The following PICALM variants were observed in gnomAD, a reference collection of about 807,000 sequenced individuals.
PICALM encodes phosphatidylinositol-binding clathrin assembly protein.
In PICALM, 40 loss-of-function variants were observed where a neutral mutation model predicts 80.5. That is an observed-to-expected ratio of 0.50 (90% confidence interval 0.39 to 0.65). The LOEUF (loss-of-function observed/expected upper bound fraction) is 0.65, where lower values mean the gene tolerates loss of function less well. Among genes scored for constraint, PICALM ranks in the 30% least tolerant of loss-of-function variants. The probability of loss-of-function intolerance (pLI) is 0.00; values close to 1 mark genes in which losing one functional copy is unlikely to be tolerated. For missense variants in PICALM, 676 were observed against 778.9 expected, an observed-to-expected ratio of 0.87 and a Z score of 1.57; for synonymous variants, 288 against 260.3, an observed-to-expected ratio of 1.11 and a Z score of -1.02.
In PICALM at chr11:85,968,677, A is replaced by C. The variant is rs888965091; in HGVS notation, c.1944+6031T>G. Among the ~76,000 whole-genome samples, 31 of 152,344 alleles carry C rather than the reference A, an allele frequency of 2.0e-4. 1 individual carries two copies. The highest frequency in any genetic ancestry group is 5.2e-4 in the Admixed American group (8 of 15,308). On this transcript the variant is annotated intron_variant, in intron 19 of 19. Coordinates refer to ENST00000393346, the MANE Select transcript of PICALM (RefSeq NM_007166.4). ...GACATTTCAATTTATGTAAAGCACC[A>C]GTAAGAGAAAGCAGGAGTCCCCTTT...
intron 9 of PICALM, among the ~76,000 whole-genome samples, chr11:86,001,847 TC>T (rs2095155086): frequency 6.6e-6 from 1 of 152,180 alleles, no homozygotes; most frequent in Non-Finnish European, 1.5e-5. Flanking sequence ...ACATTAACTT[TC>T]CAAATGTTAA....
At chr11:86,025,271 G>C (rs2095631864) in intron 3 of PICALM, among the ~76,000 whole-genome samples, 1 of 152,092 alleles carries the variant, frequency 6.6e-6, no homozygotes, top group Non-Finnish European at 1.5e-5. Flanking sequence ...GTGGTGACAT[G>C]CGCGGGTAGT....
In PICALM at chr11:85,981,212, G is replaced by C. The variant is rs551997403; in HGVS notation, c.1696C>G (p.Gln566Glu). The change falls in exon 17 of 20, where the codon CAA becomes GAA. Residue 566 changes from glutamine (Q) to glutamate (E), a missense_variant. By Grantham distance (29) the Gln-to-Glu change is conservative. Around this residue, in one of 2 missense-constraint regions of PICALM, gnomAD observed 391 missense variants for 383.6 expected, o/e 1.02. Coordinates refer to ENST00000393346, the MANE Select transcript of PICALM (RefSeq NM_007166.4). ...GTTKNDVNWS[Q>E]PGEKKLTGGS... is the part of the protein sequence containing the mutation. ...CCAGTTAACTTCTTTTCACCTGGTT[G>C]ACTCCAATTTACATCACTTTAAATA... 1 of 1,587,408 alleles carries C rather than the reference G, an allele frequency of 6.3e-7. No homozygotes were observed. Among genetic ancestry groups the C allele is most frequent in the East Asian group, 2.2e-5 (1 of 44,752 alleles).
chr11:85,993,307 G>C (rs548688414), intron 12 of PICALM, among the ~76,000 whole-genome samples: 1 of 151,122 alleles, frequency 6.6e-6, no homozygotes, highest in Admixed American at 6.6e-5. Flanking sequence ...GGCTGGTCTC[G>C]AACTCCTGGG....
rs2094445485 is a variant in PICALM, at chr11:85,981,627, C to T, written c.1679+118G>A. 11 of 705,660 alleles carry T rather than the reference C, an allele frequency of 1.6e-5. No homozygotes were observed. The Admixed American group carries it at 2.5e-4, about 16-fold the overall frequency. The allele number at this position is 705,660 out of a possible 1,614,324, so 43.7% of individuals were successfully genotyped here. A position where few individuals can be genotyped will look rare whatever the true frequency, so the allele number is the denominator to read the frequency against. On this transcript the variant is annotated intron_variant, in intron 16 of 19. Coordinates refer to ENST00000393346, the MANE Select transcript of PICALM (RefSeq NM_007166.4). ...GTGTCAAAAAAAAAAAAAAAAGATGCAGACTTGATATCTCTACACATATTT... is the reference window on the plus strand; with the variant it reads ...GTGTCAAAAAAAAAAAAAAAAGATGTAGACTTGATATCTCTACACATATTT...
At chr11:85,970,295 A>G (rs545822279) in intron 19 of PICALM, among the ~76,000 whole-genome samples, 1 of 152,366 alleles carries the variant, frequency 6.6e-6, no homozygotes, top group South Asian at 2.1e-4. Flanking sequence ...AGATGACTGA[A>G]GACTGGACAA....
At chr11:85,998,028 CACCT>C (rs1196194516) in intron 11 of PICALM, among the ~76,000 whole-genome samples, 1 of 151,342 alleles carries the variant, frequency 6.6e-6, no homozygotes, top group Non-Finnish European at 1.5e-5. Flanking sequence ...ATGATCCACC[CACCT>C]GAGCCTCCCA....
intron 1 of PICALM, among the ~76,000 whole-genome samples, chr11:86,050,704 A>C (rs1020087731): frequency 6.6e-6 from 1 of 152,184 alleles, no homozygotes; most frequent in Non-Finnish European, 1.5e-5. Context: ...GTAGAACATA[A>C]ATGGTGATGG....
intron 6 of PICALM, among the ~76,000 whole-genome samples, chr11:86,011,542 G>A (rs1429591054): frequency 6.6e-6 from 1 of 152,076 alleles, no homozygotes; most frequent in African/African-American, 2.4e-5. Flanking sequence ...TAAGTTTAAT[G>A]TATACATAGA....
At chr11:86,042,544 CAT>C (rs964951741) in intron 1 of PICALM, among the ~76,000 whole-genome samples, 4 of 151,544 alleles carry the variant, frequency 2.6e-5, no homozygotes, top group African/African-American at 9.7e-5. Flanking sequence ...GGAAAGAAAA[CAT>C]ATTAAGTATC....
At chr11:85,989,474 T>C (rs1301463873) in intron 13 of PICALM, among the ~76,000 whole-genome samples, 1 of 152,184 alleles carries the variant, frequency 6.6e-6, no homozygotes, top group Non-Finnish European at 1.5e-5. Flanking sequence ...GTTAAGCTGT[T>C]TCTCTGAACT....
rs371614935 is a variant in PICALM, at chr11:86,019,550, A to G, written c.452+2817T>C. On this transcript the variant is annotated intron_variant, in intron 4 of 19. Transcript: ENST00000393346. ...TATTCTGAAATCTGTAAATACACTGAAGATCAACTTCACTGAAGACACTTT... is the reference window on the plus strand; with the variant it reads ...TATTCTGAAATCTGTAAATACACTGGAGATCAACTTCACTGAAGACACTTT... 5.3e-5 allele frequency among the ~76,000 whole-genome samples: 8 copies of G among 152,352 alleles called. No homozygotes were observed. The East Asian group carries it at 1.5e-3, about 29-fold the overall frequency.
chr11:85,978,003 A>G lies in PICALM; in HGVS notation c.1780-1321T>C. On this transcript the variant is annotated intron_variant, in intron 17 of 19. Transcript: ENST00000393346. ...CAAGTAATAGCTGAAAGGTTATGAG[A>G]TTCTGCTACAGCAGTGGTTAATAGC... 4 of 1,161,762 alleles carry G rather than the reference A, an allele frequency of 3.4e-6. No individual in the cohort carries two copies. In the South Asian group the frequency reaches 4.9e-5, roughly 14 times the overall value. The allele number at this position is 1,161,762 out of a possible 1,614,324, so 72.0% of individuals were successfully genotyped here.
intron 11 of PICALM, among the ~76,000 whole-genome samples, chr11:85,999,606 C>G (rs2095081835): frequency 6.6e-6 from 1 of 152,170 alleles, no homozygotes; most frequent in Non-Finnish European, 1.5e-5. Flanking sequence ...CAACAAACAC[C>G]TACTAAGATT....
chr11:86,067,568 A>G (rs2096464710), intron 1 of PICALM, among the ~76,000 whole-genome samples: 1 of 152,238 alleles, frequency 6.6e-6, no homozygotes, highest in Non-Finnish European at 1.5e-5. Flanking sequence ...TATGTCGTGT[A>G]AGAGAAGCTA....
rs2093585321 is a variant in PICALM at position 85,958,422 on chromosome 11, T to C, written c.*624A>G. 4.7e-6 allele frequency: 1 copy of C among 212,520 alleles called. No individual in the cohort carries two copies. The allele number at this position is 212,520 out of a possible 1,614,324, so 13.2% of individuals were successfully genotyped here. ...CATTCTTGTGGATAAAAATCAAACATACTGTGCACATCCATACTCATTTTC... is the reference window on the plus strand; with the variant it reads ...CATTCTTGTGGATAAAAATCAAACACACTGTGCACATCCATACTCATTTTC... On this transcript the variant is annotated 3_prime_UTR_variant, in exon 20 of 20. Coordinates refer to ENST00000393346, the MANE Select transcript of PICALM (RefSeq NM_007166.4).
At chr11:86,046,907 G>A (rs1404530138) in intron 1 of PICALM, among the ~76,000 whole-genome samples, 2 of 151,962 alleles carry the variant, frequency 1.3e-5, no homozygotes, top group Non-Finnish European at 2.9e-5. Flanking sequence ...CAAAGTGTTG[G>A]GATTACAGGC....
intron 19 of PICALM, among the ~76,000 whole-genome samples, chr11:85,967,932 C>G (rs1339670558): frequency 1.4e-5 from 1 of 73,598 alleles, no homozygotes; most frequent in Non-Finnish European, 2.7e-5. Flanking sequence ...TTAAAATTAG[C>G]CACTGCAAAC....
intron 8 of PICALM, among the ~76,000 whole-genome samples, chr11:86,006,132 A>C (rs1164853696): frequency 6.6e-6 from 1 of 152,240 alleles, no homozygotes; most frequent in East Asian, 1.9e-4. Context: ...TCATTTTATA[A>C]TATACGTTAT....
Sources: gnomAD v4.1 joint callset for allele counts (sites outside exome capture counted in the v4.1 genomes callset) on GRCh38, gnomAD v4.1.1 for gene constraint, gnomAD v4.1.1 regional missense constraint, MANE v1.5 for transcripts, NCBI Gene and HGNC (gene_info 2026-07-23, HGNC 2026-07-21) for gene names.